GALNTL6: variants seen among roughly 807,000 people sequenced by gnomAD.
GALNTL6 encodes the protein polypeptide N-acetylgalactosaminyltransferase-like 6.
In GALNTL6, 46 loss-of-function variants were observed where a neutral mutation model predicts 73.7. That is an observed-to-expected ratio of 0.62 (90% CI 0.49 to 0.80). The LOEUF is 0.80. GALNTL6 is among the 30% of genes least tolerant of loss of function. The pLI, the probability that GALNTL6 is intolerant of heterozygous loss-of-function variation, is 0.00. For missense variants in GALNTL6, 604 were observed against 755.0 expected (o/e 0.80, Z 2.34); for synonymous variants, 259 against 263.7 (o/e 0.98, Z 0.17).
chr4:172,562,247 C>T (rs2110928393), intron 5 of GALNTL6, among the ~76,000 whole-genome samples: 1 of 152,284 alleles, frequency 6.6e-6, no homozygotes, highest in African/African-American at 2.4e-5. Context: ...CTGCACTCAC[C>T]CCCAATTTGG....
At chr4:172,421,266 C>T (rs1244161746) in intron 5 of GALNTL6, among the ~76,000 whole-genome samples, 1 of 152,006 alleles carries the variant, frequency 6.6e-6, no homozygotes, top group African/African-American at 2.4e-5. Flanking sequence ...AAATTTGTTT[C>T]CTAATTTGTA....
intron 12 of GALNTL6, among the ~76,000 whole-genome samples, chr4:173,025,553 G>T (rs1206048283): frequency 6.6e-6 from 1 of 152,134 alleles, no homozygotes; most frequent in Non-Finnish European, 1.5e-5. Context: ...CTAAAGGGCT[G>T]CCCTGCTTCC....
intron 7 of GALNTL6, among the ~76,000 whole-genome samples, chr4:172,818,674 C>G (rs1741746993): frequency 1.3e-5 from 2 of 152,176 alleles, no homozygotes; most frequent in Non-Finnish European, 2.9e-5. Flanking sequence ...TCTCGGCTCA[C>G]TGCAACCTCT....
intron 5 of GALNTL6, among the ~76,000 whole-genome samples, chr4:172,422,905 G>C (rs1421256837): frequency 6.6e-6 from 1 of 151,048 alleles, no homozygotes; most frequent in African/African-American, 2.4e-5. Context: ...AGTGTAGGAT[G>C]TACAATAGAG....
intron 9 of GALNTL6, among the ~76,000 whole-genome samples, chr4:172,934,427 GA>G (rs202037662): frequency 2.6e-4 from 38 of 148,310 alleles, no homozygotes; most frequent in African/African-American, 7.2e-4. Context: ...TTTTTTCATT[GA>G]AAAAAAAATA....
Position 172,070,994 on chromosome 4 carries a change from C to T in GALNTL6, c.139-158662C>T, listed in dbSNP as rs1296618319. On this transcript the variant is annotated intron_variant, in intron 2 of 12. Transcript: ENST00000506823. Reference sequence around the variant, plus strand: ...TGTGTTGATCCCAGAATCACAGAAACTTATTTAATCACAGAAGGTTTTACA... The same window carrying T: ...TGTGTTGATCCCAGAATCACAGAAATTTATTTAATCACAGAAGGTTTTACA... 1.8e-5 allele frequency among the ~76,000 whole-genome samples: 2 copies of T among 108,886 alleles called. 1 individual carries two copies. The highest frequency in any genetic ancestry group is 4.1e-5 in the Non-Finnish European group (2 of 49,160). The allele number at this position is 108,886 out of a possible 152,430, so 71.4% of individuals were successfully genotyped here. A position where few individuals can be genotyped will look rare whatever the true frequency, so the allele number is the denominator to read the frequency against.
intron 10 of GALNTL6, 46 bp downstream of exon 10, chr4:172,952,304 T>C (rs1749492086): frequency 7.2e-7 from 1 of 1,398,586 alleles, no homozygotes; most frequent in Non-Finnish European, 1.0e-6. Context: ...TGAGACTGTG[T>C]GCCTCCCCCA....
At chr4:171,855,024 C>G (rs182657364) in intron 2 of GALNTL6, among the ~76,000 whole-genome samples, 174 of 152,120 alleles carry the variant, frequency 1.1e-3, no homozygotes, top group African/African-American at 3.7e-3. Flanking sequence ...TGAGAGCACT[C>G]CCTTAATAAG....
At position 172,455,336 on chromosome 4, in the gene GALNTL6, G is replaced by A. The variant is rs978658761; in HGVS notation, c.553+106647G>A. On this transcript the variant is annotated intron_variant, in intron 5 of 12. Coordinates refer to ENST00000506823, the MANE Select transcript of GALNTL6 (RefSeq NM_001034845.3). The stretch of plus-strand genomic sequence containing the variant: ...GGAGTTTTTGTCATACCTCAGTGGC[G>A]CCTGGAACACCAGCGAGACAGAACC... Among the ~76,000 whole-genome samples the A allele has an allele frequency of 3.9e-5, 6 of 152,210 alleles. No homozygotes were observed. In the South Asian group the frequency reaches 6.2e-4, roughly 16 times the overall value.
At chr4:172,847,747 A>G (rs1324162717) in intron 7 of GALNTL6, among the ~76,000 whole-genome samples, 2 of 152,186 alleles carry the variant, frequency 1.3e-5, no homozygotes, top group African/African-American at 4.8e-5. Context: ...TAATCTTCAC[A>G]TAAGTATCTT....
intron 2 of GALNTL6, among the ~76,000 whole-genome samples, chr4:172,129,571 C>A (rs1032476427): frequency 1.3e-5 from 2 of 152,114 alleles, no homozygotes; most frequent in African/African-American, 2.4e-5. Context: ...ACAGCCAAAT[C>A]ATTTACAGAT....
intron 2 of GALNTL6, among the ~76,000 whole-genome samples, chr4:172,036,751 T>C (rs1466818748): frequency 6.6e-6 from 1 of 152,162 alleles, no homozygotes; most frequent in Non-Finnish European, 1.5e-5. Flanking sequence ...TTAAACTACA[T>C]TGAGAACCCA....
At chr4:171,835,306 GTA>G (rs1735070882) in intron 2 of GALNTL6, among the ~76,000 whole-genome samples, 1 of 151,938 alleles carries the variant, frequency 6.6e-6, no homozygotes, top group South Asian at 2.1e-4. Flanking sequence ...GTCTGTGTAT[GTA>G]TATGTGTCTC....
chr4:172,614,379 G>C (rs1030265037), intron 5 of GALNTL6, among the ~76,000 whole-genome samples: 2 of 152,112 alleles, frequency 1.3e-5, no homozygotes, highest in East Asian at 3.9e-4. Context: ...TAATTCATCA[G>C]AGCAGCTTAC....
intron 3 of GALNTL6, among the ~76,000 whole-genome samples, chr4:172,281,100 C>T (rs565207353): frequency 2.0e-5 from 3 of 151,502 alleles, no homozygotes; most frequent in Admixed American, 6.6e-5. Context: ...ACCTGGGAGG[C>T]GGAGCTTGCA....
intron 2 of GALNTL6, among the ~76,000 whole-genome samples, chr4:172,156,544 T>TATATATTATATATATATAATATATATA (rs1734280141): frequency 5.9e-5 from 4 of 67,948 alleles, no homozygotes; most frequent in Non-Finnish European, 1.1e-4. Flanking sequence ...ATATATAATA[T>TATATATTATATATATATAATATATATA]ATATATATAT....
rs970155332 is a variant in GALNTL6, at chr4:172,559,285, T to G, written c.553+210596T>G. Among the ~76,000 whole-genome samples, 5 of 151,802 alleles carry G rather than the reference T, an allele frequency of 3.3e-5. No homozygotes were observed. In the East Asian group the frequency reaches 9.7e-4, roughly 29 times the overall value. ...TTCACCATGTTAGCCAGGATGGTCT[T>G]GATCTCCTGATCTCGTGATCCACCC... On this transcript the variant is annotated intron_variant, in intron 5 of 12. Transcript: ENST00000506823.
intron 5 of GALNTL6, among the ~76,000 whole-genome samples, chr4:172,401,907 G>C (rs1197841434): frequency 7.0e-6 from 1 of 143,266 alleles, no homozygotes; most frequent in Non-Finnish European, 1.5e-5. Context: ...GAGGAAGAGA[G>C]AGAGAGAGAG....
intron 8 of GALNTL6, 46 bp from the exon 9 acceptor site, chr4:172,931,115 T>A (rs760189134): frequency 1.0e-6 from 1 of 1,001,018 alleles, no homozygotes; most frequent in South Asian, 1.3e-5. Flanking sequence ...ATTCCTTTCT[T>A]GTGTGAAATT....
Sources: gnomAD v4.1 joint callset for allele counts (sites outside exome capture counted in the v4.1 genomes callset) on GRCh38, gnomAD v4.1.1 for gene constraint, MANE v1.5 for transcripts, NCBI Gene and HGNC (gene_info 2026-07-23, HGNC 2026-07-21) for gene names.